NPLOC4: variants seen among roughly 807,000 people sequenced by gnomAD.
The protein encoded by NPLOC4 is NPL4 homolog, ubiquitin recognition factor, also known as nuclear protein localization protein 4 homolog.
NPLOC4 carries 18 observed loss-of-function variants against 80.6 expected under a neutral mutation model. The observed-to-expected ratio is 0.22, with a 90% CI of 0.15 to 0.33. NPLOC4 has a LOEUF of 0.33. NPLOC4 is among the 10% of genes least tolerant of loss of function. NPLOC4 has a pLI of 1.00. For missense variants in NPLOC4, 540 were observed against 786.1 expected, an observed-to-expected ratio of 0.69 and a Z score of 3.74; for synonymous variants, 313 against 301.5, an observed-to-expected ratio of 1.04 and a Z score of -0.39.
intron 12 of NPLOC4, among the ~76,000 whole-genome samples, chr17:81,575,038 T>C (rs2034259710): frequency 6.6e-6 from 1 of 152,160 alleles, no homozygotes; most frequent in South Asian, 2.1e-4. Context: ...GGGGCACAAA[T>C]GACACCAGGA....
In NPLOC4 at chr17:81,606,768, C is replaced by G. The variant is rs746687235; in HGVS notation, c.577G>C (p.Gly193Arg). The G allele has an allele frequency of 6.2e-7, 1 of 1,613,784 alleles. No homozygotes were observed. The highest frequency in any genetic ancestry group is 8.5e-7 in the Non-Finnish European group (1 of 1,179,822). Residue 193 changes from glycine (G) to arginine (R), a missense_variant, in exon 7 of 17, where the codon GGG becomes CGG. Transcript: ENST00000331134. ...LENISCKIKS[G>R]CEGHLPWPNG... Reference sequence around the variant, plus strand: ...GGCCACGGGAGGTGCCCCTCGCACCCTGACTTAATCTTGCAGCTGATGTTC... The same window carrying G: ...GGCCACGGGAGGTGCCCCTCGCACCGTGACTTAATCTTGCAGCTGATGTTC...
rs774977743 is a variant in NPLOC4 at position 81,600,384 on chromosome 17, G to A, written c.878C>T (p.Ala293Val). ...GGCAGCAATTTCATCGACCACTTCA[G>A]CTTTTGGATCCTCAAGAAGCTCCAA... ...NSLELLEDPK[A>V]EVVDEIAAKL... The change falls in exon 9 of 17, where the codon GCT becomes GTT. Residue 293 changes from alanine (A) to valine (V), a missense_variant. By Grantham distance (64) the Ala-to-Val change is moderately conservative (BLOSUM62 0). This residue lies in a region of NPLOC4 where 251 missense variants were observed against 377.5 expected (regional missense o/e 0.66). Coordinates refer to ENST00000331134, the MANE Select transcript of NPLOC4 (RefSeq NM_017921.4). 7 of 1,612,792 alleles carry A rather than the reference G, an allele frequency of 4.3e-6. No homozygotes were observed. The highest frequency in any genetic ancestry group is 1.1e-5 in the South Asian group (1 of 90,850).
At position 81,567,205 on chromosome 17, in the gene NPLOC4, G is replaced by GA. The variant is rs2034035979; in HGVS notation, c.1566+211dup. 1.3e-5 allele frequency among the ~76,000 whole-genome samples: 2 copies of GA among 148,666 alleles called. No homozygotes were observed. The highest frequency in any genetic ancestry group is 2.2e-4 in the South Asian group (1 of 4,464). ...GACACTCAATGGAAATGCTAAAGGTGAAAAAATTAATCTTTCTATCAACAA... is the reference window on the plus strand; with the variant it reads ...GACACTCAATGGAAATGCTAAAGGTGAAAAAAATTAATCTTTCTATCAACAA... On this transcript the variant is annotated intron_variant, in intron 15 of 16. Transcript: ENST00000331134. The surrounding 1 kb of genome is among the most constrained non-coding windows in gnomAD (Gnocchi z 4.5).
At chr17:81,605,739 A>G (rs193242314) in intron 7 of NPLOC4, among the ~76,000 whole-genome samples, 29 of 152,176 alleles carry the variant, frequency 1.9e-4, no homozygotes, top group Admixed American at 1.8e-3. Context: ...GGTTTCATCT[A>G]TCAATAAATT....
intron 9 of NPLOC4, among the ~76,000 whole-genome samples, chr17:81,597,672 A>C (rs747089430): frequency 7.9e-5 from 12 of 151,386 alleles, no homozygotes; most frequent in Non-Finnish European, 1.2e-4. Context: ...AATCCCAGCT[A>C]CTCAGGAGGC....
chr17:81,586,653 G>A (rs903805854), intron 12 of NPLOC4, among the ~76,000 whole-genome samples: 14 of 151,966 alleles, frequency 9.2e-5, no homozygotes, highest in South Asian at 8.3e-4. Context: ...AGGTACATGG[G>A]ATACCTACAT....
In NPLOC4 at chr17:81,560,158, C is replaced by T. The variant is rs190294186; in HGVS notation, c.1670-742G>A. On this transcript the variant is annotated intron_variant, in intron 16 of 16. Coordinates refer to ENST00000331134, the MANE Select transcript of NPLOC4 (RefSeq NM_017921.4). Reference sequence around the variant, plus strand: ...TGAGGCTGGGTGCAGTGGGTCACGCCTGTAATCCCAGCACTTTGGGAGGCC... The same window carrying T: ...TGAGGCTGGGTGCAGTGGGTCACGCTTGTAATCCCAGCACTTTGGGAGGCC... 5.9e-3 allele frequency among the ~76,000 whole-genome samples: 895 copies of T among 151,994 alleles called. 14 individuals carry two copies. Among genetic ancestry groups the T allele is most frequent in the African/African-American group, 0.021 (864 of 41,470 alleles).
At chr17:81,573,572 T>C (rs8081883) in intron 12 of NPLOC4, 93,883 of 152,044 alleles carry the variant, frequency 0.62, 30,967 homozygotes, top group Non-Finnish European at 0.73. Flanking sequence ...CTCTCTCCCC[T>C]TTCCTCACTA....
At chr17:81,566,917 C>G (rs2034027714) in intron 15 of NPLOC4, 1 of 161,442 alleles carries the variant, frequency 6.2e-6, no homozygotes, top group South Asian at 1.7e-4. Context: ...TCTTCTCCCC[C>G]AACGGTGTCT....
chr17:81,593,582 C>G (rs1030445238), intron 11 of NPLOC4, among the ~76,000 whole-genome samples: 1 of 151,890 alleles, frequency 6.6e-6, no homozygotes, highest in African/African-American at 2.4e-5. Context: ...AGGGGTATCA[C>G]AAAGTGTTCT....
chr17:81,610,346 C>T, intron 4 of NPLOC4, 88 bp from the exon 5 acceptor site: 1 of 1,194,720 alleles, frequency 8.4e-7, no homozygotes, highest in Non-Finnish European at 1.2e-6. Context: ...CCTACTTTAA[C>T]AGAGTGTTTC....
chr17:81,604,618 C>T lies in NPLOC4; in HGVS notation c.764G>A (p.Arg255Gln), dbSNP rs758734396. Residue 255 changes from arginine to glutamine, a missense_variant, in exon 8 of 17, where the codon CGG becomes CAG. Transcript: ENST00000331134. ...GNQHFGYLYG[R>Q]YTEHKDIPLG... ...GGGAATGTCTTTGTGCTCCGTGTAC[C>T]GTCCGTATAAGTACCCAAAATGCTG... 3 of 1,613,690 alleles carry T rather than the reference C, an allele frequency of 1.9e-6. No individual in the cohort carries two copies. The highest frequency in any genetic ancestry group is 1.3e-5 in the African/African-American group (1 of 74,872).
At chr17:81,619,313 C>T (rs1292438897) in intron 3 of NPLOC4, among the ~76,000 whole-genome samples, 1 of 149,760 alleles carries the variant, frequency 6.7e-6, no homozygotes, top group Non-Finnish European at 1.5e-5. Flanking sequence ...GGAGGTGGAG[C>T]TTGCAGTGAG....
chr17:81,634,228 C>T (rs2036009885), intron 1 of NPLOC4, among the ~76,000 whole-genome samples: 1 of 151,792 alleles, frequency 6.6e-6, no homozygotes, highest in Non-Finnish European at 1.5e-5. Flanking sequence ...GGTCTCAACT[C>T]CTGACCTCAT....
chr17:81,629,866 C>T (rs886622365), intron 1 of NPLOC4, 61 bp from the exon 2 acceptor site: 56 of 1,223,468 alleles, frequency 4.6e-5, no homozygotes, highest in Non-Finnish European at 5.0e-5. Context: ...TCTAATACTA[C>T]GGCTTCCATC....
Position 81,575,345 on chromosome 17 carries a change from C to T in NPLOC4, c.1282-3257G>A, listed in dbSNP as rs184494070. 3.5e-3 allele frequency among the ~76,000 whole-genome samples: 530 copies of T among 152,368 alleles called. 1 individual carries two copies. Among genetic ancestry groups the T allele is most frequent in the Admixed American group, 0.013 (206 of 15,310 alleles). ...CTCGATCTCCTGACCTCATGATCCA[C>T]CCGCCTTGGCCTCCCAAAGTGCTGG... is the stretch of plus-strand genomic sequence containing the variant. On this transcript the variant is annotated intron_variant, in intron 12 of 16. Transcript: ENST00000331134.
intron 2 of NPLOC4, among the ~76,000 whole-genome samples, chr17:81,625,549 G>A (rs1598687713): frequency 6.6e-6 from 1 of 152,122 alleles, no homozygotes; most frequent in Non-Finnish European, 1.5e-5. Context: ...TTCACTGAAC[G>A]GGCTTATCAG....
At chr17:81,603,253 G>A (rs1182808579) in intron 8 of NPLOC4, among the ~76,000 whole-genome samples, 1 of 152,144 alleles carries the variant, frequency 6.6e-6, no homozygotes, top group East Asian at 1.9e-4. Context: ...TACCTTGTTT[G>A]TAAACATGAC....
intron 8 of NPLOC4, among the ~76,000 whole-genome samples, chr17:81,603,475 A>G (rs937552409): frequency 1.3e-5 from 2 of 152,078 alleles, no homozygotes; most frequent in Non-Finnish European, 2.9e-5. Context: ...ATGCACCTGT[A>G]GTCCCAGCTA....
Sources: allele counts gnomAD v4.1 joint callset (sites outside exome capture counted in the v4.1 genomes callset), GRCh38; gene constraint gnomAD v4.1.1; regional missense constraint gnomAD v4.1.1; non-coding constraint Gnocchi (gnomAD v3.1); transcripts MANE v1.5; gene names NCBI Gene and HGNC (gene_info 2026-07-23, HGNC 2026-07-21).